RMDN1: variants seen among roughly 807,000 people sequenced by gnomAD.
The protein encoded by RMDN1 is regulator of microtubule dynamics 1, also known as regulator of microtubule dynamics protein 1.
RMDN1 carries 48 observed loss-of-function variants against 48.9 expected under a neutral mutation model. The observed-to-expected ratio is 0.98, with a 90% CI of 0.78 to 1.25. The LOEUF (loss-of-function observed/expected upper bound fraction) is 1.25. RMDN1 is among the 50% of genes most tolerant of loss of function. The pLI, the probability that RMDN1 is intolerant of heterozygous loss-of-function variation, is 0.00. For synonymous variants in RMDN1, 148 were observed against 132.6 expected (o/e 1.12, Z -0.80); for missense variants, 418 against 373.4 (o/e 1.12, Z -0.98).
At chr8:86,499,910 A>T (rs1817940102) in intron 2 of RMDN1, among the ~76,000 whole-genome samples, 1 of 152,148 alleles carries the variant, frequency 6.6e-6, no homozygotes, top group Non-Finnish European at 1.5e-5. Flanking sequence ...TGACCTTCAA[A>T]AAAGCTGACC....
chr8:86,474,064 TG>T lies in RMDN1; in HGVS notation c.*243del, dbSNP rs1812954339. 19 of 1,227,866 alleles carry T rather than the reference TG, an allele frequency of 1.5e-5. No homozygotes were observed. The South Asian group carries it at 4.3e-4, about 28-fold the overall frequency. 76.1% of individuals were successfully genotyped at this position (1,227,866 alleles called of 1,614,324 possible). A position where few individuals can be genotyped will look rare whatever the true frequency, so the allele number is the denominator to read the frequency against. ...GAAATCTCATACCATTTTGCATTGCTGGTATCCAGGATGCAAAATAATCTCT... is the reference window on the plus strand; with the variant it reads ...GAAATCTCATACCATTTTGCATTGCTGTATCCAGGATGCAAAATAATCTCT... On this transcript the variant is annotated 3_prime_UTR_variant, in exon 10 of 10. Coordinates refer to ENST00000406452, the MANE Select transcript of RMDN1 (RefSeq NM_016033.3).
At chr8:86,504,713 T>C (rs1044711376) in intron 2 of RMDN1, 2 of 928,008 alleles carry the variant, frequency 2.2e-6, no homozygotes, top group Non-Finnish European at 3.6e-6. Context: ...CCTTTGAAAT[T>C]GGACCAGGTC....
upstream of RMDN1, chr8:86,508,884 G>A (rs1563674365): frequency 1.0e-6 from 1 of 984,640 alleles, no homozygotes; most frequent in South Asian, 4.5e-5. Context: ...GCTCTCTTCA[G>A]GCGCTCTGAC....
At chr8:86,504,441 T>C (rs1263543156) in intron 2 of RMDN1, 2 of 1,560,274 alleles carry the variant, frequency 1.3e-6, no homozygotes, top group Non-Finnish European at 1.8e-6. Context: ...CTGGAATCAA[T>C]GTTGTGTTCT....
chr8:86,475,920 A>T (rs961941633), intron 8 of RMDN1, among the ~76,000 whole-genome samples: 7 of 152,210 alleles, frequency 4.6e-5, no homozygotes, highest in Non-Finnish European at 1.0e-4. Context: ...CCAAGTAATG[A>T]GTGTGCAATT....
At chr8:86,478,811 T>C in intron 7 of RMDN1, 112 bp downstream of exon 7, 1 of 812,030 alleles carries the variant, frequency 1.2e-6, no homozygotes, top group Non-Finnish European at 2.1e-6. Flanking sequence ...ATTGGATCAT[T>C]AGAAATTGCT....
intron 2 of RMDN1, among the ~76,000 whole-genome samples, chr8:86,495,137 C>T (rs7837569): frequency 0.26 from 40,195 of 151,898 alleles, 6,210 homozygotes; most frequent in East Asian, 0.53. Context: ...TGAACAGATA[C>T]TCAGAAAGAA....
In RMDN1 at chr8:86,486,497, A is replaced by C; in HGVS notation, c.482T>G (p.Phe161Cys). 1.3e-6 allele frequency: 2 copies of C among 1,598,156 alleles called. No homozygotes were observed. The highest frequency in any genetic ancestry group is 1.7e-6 in the Non-Finnish European group (2 of 1,170,236). Residue 161 changes from phenylalanine (F) to cysteine (C), a missense_variant, in exon 4 of 10, where the codon TTT becomes TGT. Transcript: ENST00000406452. The part of the protein sequence containing the change: ...KRALEKNESS[F>C]ASHKWYAICL... ...TAAGCAACTCACCTTATGAGATGCA[A>C]AACTTGATTCATTTTTTTCTAGTGC...
In RMDN1 at chr8:86,488,543, A is replaced by C. The variant is rs539045891; in HGVS notation, c.335+9T>G. On this transcript the variant is annotated intron_variant, in intron 3 of 9. Coordinates refer to ENST00000406452, the MANE Select transcript of RMDN1 (RefSeq NM_016033.3). ...AACCACAAGCCTAGGCCTATCCTAC[A>C]TTGCTTACCTTTCCTTGTATTGGGT... 7.5e-6 allele frequency: 12 copies of C among 1,592,462 alleles called. No individual in the cohort carries two copies. The East Asian group carries it at 1.8e-4, about 24-fold the overall frequency.
intron 2 of RMDN1, among the ~76,000 whole-genome samples, chr8:86,491,373 G>A (rs1001613300): frequency 6.6e-6 from 1 of 151,942 alleles, no homozygotes; most frequent in Non-Finnish European, 1.5e-5. Context: ...TGACCTCGTG[G>A]TCTGCACTGC....
downstream of RMDN1, among the ~76,000 whole-genome samples, chr8:86,471,672 T>C (rs1026435199): frequency 2.0e-5 from 3 of 151,806 alleles, no homozygotes; most frequent in African/African-American, 7.3e-5. Context: ...ATGGAAGATA[T>C]AAATGAAAAG....
chr8:86,499,797 C>T (rs10090898), intron 2 of RMDN1, among the ~76,000 whole-genome samples: 23,413 of 152,080 alleles, frequency 0.15, 1,929 homozygotes, highest in Non-Finnish European at 0.19. Context: ...AACTATACTA[C>T]GAGACAGTAA....
chr8:86,490,857 T>C (rs1816368844), intron 2 of RMDN1, among the ~76,000 whole-genome samples: 1 of 152,056 alleles, frequency 6.6e-6, no homozygotes, highest in Admixed American at 6.6e-5. Context: ...CTCATGCGAT[T>C]AAAAATGTAG....
intron 2 of RMDN1, among the ~76,000 whole-genome samples, chr8:86,500,796 T>G (rs1297266042): frequency 6.6e-6 from 1 of 152,178 alleles, no homozygotes; most frequent in Non-Finnish European, 1.5e-5. Flanking sequence ...TCAACTGAGA[T>G]GCCCATCAAT....
chr8:86,508,690 T>G, upstream of RMDN1: 2 of 1,418,564 alleles, frequency 1.4e-6, no homozygotes, highest in South Asian at 1.5e-5. Flanking sequence ...CTAAAGGAGA[T>G]TCAATCCTTC....
intron 2 of RMDN1, among the ~76,000 whole-genome samples, chr8:86,490,649 G>A (rs947634801): frequency 5.3e-5 from 8 of 152,012 alleles, no homozygotes; most frequent in Non-Finnish European, 1.5e-5. Context: ...TAATAAATTT[G>A]TGTTGTTTAA....
At position 86,504,282 on chromosome 8, in the gene RMDN1, G is replaced by A. The variant is rs1457851428; in HGVS notation, c.247+2713C>T. 10 of 1,574,222 alleles carry A rather than the reference G, an allele frequency of 6.4e-6. No individual in the cohort carries two copies. The Admixed American group carries it at 1.5e-4, about 24-fold the overall frequency. ...TCCTCCAGCAGTTGTGGGGCACCCA[G>A]GATGTATCCCAAGACAACCAGGAGA... On this transcript the variant is annotated intron_variant, in intron 2 of 9. Transcript: ENST00000406452.
intron 2 of RMDN1, chr8:86,503,866 G>T: frequency 1.6e-6 from 1 of 629,740 alleles, no homozygotes; most frequent in Non-Finnish European, 3.0e-6. Context: ...AATGCTTATC[G>T]TCAACCTGTT....
At chr8:86,478,869 A>T (rs2130616131) in intron 7 of RMDN1, 54 bp downstream of exon 7, 2 of 1,375,888 alleles carry the variant, frequency 1.5e-6, no homozygotes, top group Non-Finnish European at 2.1e-6. Context: ...CACATGGTAG[A>T]ATGGCGCTGT....
Sources: allele counts gnomAD v4.1 joint callset (sites outside exome capture counted in the v4.1 genomes callset), GRCh38; gene constraint gnomAD v4.1.1; transcripts MANE v1.5; gene names NCBI Gene and HGNC (gene_info 2026-07-23, HGNC 2026-07-21).